CAMK4: variants seen among roughly 807,000 people sequenced by gnomAD.
The protein encoded by CAMK4 is calcium/calmodulin dependent protein kinase IV.
A neutral mutation model predicts 44.9 loss-of-function variants in CAMK4; 22 were observed. The observed-to-expected ratio is 0.49, with a 90% CI of 0.35 to 0.70. CAMK4 has a LOEUF of 0.70. CAMK4 is among the 30% of genes least tolerant of loss of function. The pLI is 0.01. For synonymous variants in CAMK4, 218 were observed against 215.4 expected, an observed-to-expected ratio of 1.01 and a Z score of -0.11; for missense variants, 498 against 586.8, an observed-to-expected ratio of 0.85 and a Z score of 1.56.
intron 1 of CAMK4, among the ~76,000 whole-genome samples, chr5:111,225,755 C>T (rs144445204): frequency 4.7e-4 from 71 of 152,306 alleles, no homozygotes; most frequent in African/African-American, 1.7e-3. Flanking sequence ...ACTCTCCCCC[C>T]ACTTTGCTAG....
At chr5:111,355,862 A>C (rs1320961713) in intron 2 of CAMK4, among the ~76,000 whole-genome samples, 19 of 139,706 alleles carry the variant, frequency 1.4e-4, no homozygotes, top group African/African-American at 4.5e-4. Context: ...ATAGTATTCC[A>C]TGGTGTATAT....
In CAMK4 at chr5:111,272,961, T is replaced by C. The variant is rs76977746; in HGVS notation, c.161+48317T>C. Among the ~76,000 whole-genome samples the C allele has an allele frequency of 4.1e-3, 628 of 152,310 alleles. 4 individuals carry two copies. The highest frequency in any genetic ancestry group is 0.015 in the African/African-American group (607 of 41,582). On this transcript the variant is annotated intron_variant, in intron 1 of 10. Transcript: ENST00000282356. ...CCTTCAACTTAATTATCAGTATCCCTCTAAAATATTGCATTTCCAGGAAGG... is the reference window on the plus strand; with the variant it reads ...CCTTCAACTTAATTATCAGTATCCCCCTAAAATATTGCATTTCCAGGAAGG...
intron 5 of CAMK4, among the ~76,000 whole-genome samples, chr5:111,428,916 C>T (rs576835057): frequency 3.3e-5 from 5 of 151,934 alleles, no homozygotes; most frequent in East Asian, 1.9e-4. Flanking sequence ...ATTCAAACTC[C>T]GAAAGGTCAA....
In CAMK4 at chr5:111,426,643, C is replaced by T. The variant is rs192703987; in HGVS notation, c.460-20043C>T. Among the ~76,000 whole-genome samples, 220 of 152,212 alleles carry T rather than the reference C, an allele frequency of 1.4e-3. 1 individual carries two copies. The highest frequency in any genetic ancestry group is 5.0e-3 in the African/African-American group (209 of 41,518). On this transcript the variant is annotated intron_variant, in intron 5 of 10. Transcript: ENST00000282356. ...TCCTGAATCACTAACGCCACCCCTCCCCCACCCCCAATGGTACCAGCATGG... is the reference window on the plus strand; with the variant it reads ...TCCTGAATCACTAACGCCACCCCTCTCCCACCCCCAATGGTACCAGCATGG...
intron 5 of CAMK4, among the ~76,000 whole-genome samples, chr5:111,401,539 T>TTG (rs1240779813): frequency 7.1e-6 from 1 of 140,012 alleles, no homozygotes; most frequent in African/African-American, 2.7e-5. Context: ...TCAAAAAAAA[T>TTG]AGAAAATGGA....
At chr5:111,429,246 G>C (rs1753342141) in intron 5 of CAMK4, among the ~76,000 whole-genome samples, 1 of 152,000 alleles carries the variant, frequency 6.6e-6, no homozygotes, top group Non-Finnish European at 1.5e-5. Flanking sequence ...TCTTTTGCCA[G>C]ACTAAGAAAA....
At chr5:111,358,743 C>A (rs779518718) in intron 2 of CAMK4, among the ~76,000 whole-genome samples, 6 of 151,808 alleles carry the variant, frequency 4.0e-5, no homozygotes, top group Non-Finnish European at 7.4e-5. Context: ...CCAGGTAGGC[C>A]CCAGTGGCAA....
intron 1 of CAMK4, among the ~76,000 whole-genome samples, chr5:111,343,060 C>G (rs565732308): frequency 6.6e-6 from 1 of 151,434 alleles, no homozygotes; most frequent in African/African-American, 2.4e-5. Flanking sequence ...ATTTCTTGAA[C>G]CCTTTATTAC....
chr5:111,377,957 C>G (rs756592018), intron 4 of CAMK4, among the ~76,000 whole-genome samples: 2 of 152,148 alleles, frequency 1.3e-5, no homozygotes, highest in East Asian at 1.9e-4. Context: ...GGAGAAATAT[C>G]TAAAGGGGAT....
At chr5:111,320,300 CAG>C (rs1408172202) in intron 1 of CAMK4, among the ~76,000 whole-genome samples, 1 of 152,054 alleles carries the variant, frequency 6.6e-6, no homozygotes, top group Admixed American at 6.6e-5. Flanking sequence ...GGGTCATGGT[CAG>C]ATTTCCATTC....
intron 1 of CAMK4, among the ~76,000 whole-genome samples, chr5:111,295,122 C>T (rs1191784952): frequency 6.6e-6 from 1 of 152,144 alleles, no homozygotes; most frequent in Non-Finnish European, 1.5e-5. Context: ...GTTGTTCTGG[C>T]TTCAAATTTA....
At chr5:111,270,395 C>G (rs1310223471) in intron 1 of CAMK4, among the ~76,000 whole-genome samples, 1 of 152,170 alleles carries the variant, frequency 6.6e-6, no homozygotes, top group Non-Finnish European at 1.5e-5. Flanking sequence ...CTTTCTCCCT[C>G]TAGTTGCTGC....
intron 1 of CAMK4, among the ~76,000 whole-genome samples, chr5:111,261,311 C>G (rs1749964044): frequency 6.6e-6 from 1 of 152,196 alleles, no homozygotes; most frequent in South Asian, 2.1e-4. Flanking sequence ...TAACACTTAG[C>G]ACAATGTCTG....
chr5:111,278,729 A>G (rs1750877265), intron 1 of CAMK4, among the ~76,000 whole-genome samples: 1 of 152,204 alleles, frequency 6.6e-6, no homozygotes, highest in Non-Finnish European at 1.5e-5. Flanking sequence ...TTTCTAAGCA[A>G]GGCTTACCAG....
At chr5:111,429,647 G>A (rs997712217) in intron 5 of CAMK4, among the ~76,000 whole-genome samples, 10 of 151,408 alleles carry the variant, frequency 6.6e-5, no homozygotes, top group South Asian at 2.1e-4. Context: ...ATGGTGGTGT[G>A]CACTTATAGT....
intron 1 of CAMK4, among the ~76,000 whole-genome samples, chr5:111,299,622 T>C (rs541864581): frequency 1.3e-5 from 2 of 152,366 alleles, no homozygotes; most frequent in Non-Finnish European, 2.9e-5. Context: ...ATATTGATTA[T>C]ATTTAGTATG....
intron 2 of CAMK4, among the ~76,000 whole-genome samples, chr5:111,351,048 T>C (rs574119500): frequency 5.8e-4 from 89 of 152,276 alleles, no homozygotes; most frequent in Admixed American, 4.8e-3. Flanking sequence ...TTTATACCAC[T>C]GGGTAAACTG....
At chr5:111,386,011 C>G (rs2112845447) in intron 4 of CAMK4, among the ~76,000 whole-genome samples, 1 of 152,146 alleles carries the variant, frequency 6.6e-6, no homozygotes, top group East Asian at 1.9e-4. Flanking sequence ...GGCCAGCACC[C>G]ACATTGATCC....
rs1237759173 is a variant in CAMK4 at position 111,376,850 on chromosome 5, C to T, written c.304-10C>T. ...ATTTGTGATATTCTTTTTTTTATAT[C>T]TTTCCCTAGATAAAACTTAAAGAGA... On this transcript the variant is annotated splice_polypyrimidine_tract_variant and intron_variant, in intron 3 of 10. Coordinates refer to ENST00000282356, the MANE Select transcript of CAMK4 (RefSeq NM_001744.6). 1.3e-6 allele frequency: 2 copies of T among 1,495,860 alleles called. No homozygotes were observed. Among genetic ancestry groups the T allele is most frequent in the Non-Finnish European group, 1.8e-6 (2 of 1,082,914 alleles). The allele number at this position is 1,495,860 out of a possible 1,614,324, so 92.7% of individuals were successfully genotyped here. A position where few individuals can be genotyped will look rare whatever the true frequency, so the allele number is the denominator to read the frequency against.
Sources: allele counts gnomAD v4.1 joint callset (sites outside exome capture counted in the v4.1 genomes callset), GRCh38; gene constraint gnomAD v4.1.1; transcripts MANE v1.5; gene names NCBI Gene and HGNC (gene_info 2026-07-23, HGNC 2026-07-21).